KLHL1: variants seen among roughly 807,000 people sequenced by gnomAD.
KLHL1 encodes kelch like family member 1.
KLHL1 carries 47 observed loss-of-function variants against 77.7 expected under a neutral mutation model. That is an observed-to-expected ratio of 0.60 (90% CI 0.48 to 0.77). KLHL1 has a LOEUF of 0.77. Among genes scored for constraint, KLHL1 ranks in the 30% least tolerant of loss-of-function variants. KLHL1 has a pLI of 0.00. For synonymous variants in KLHL1, 360 were observed against 325.2 expected, an observed-to-expected ratio of 1.11 and a Z score of -1.15; for missense variants, 925 against 910.8, an observed-to-expected ratio of 1.02 and a Z score of -0.20.
intron 6 of KLHL1, among the ~76,000 whole-genome samples, chr13:69,837,614 CTA>C (rs1555272466): frequency 0.094 from 12,806 of 136,470 alleles, 983 homozygotes; most frequent in Non-Finnish European, 0.13. Context: ...ATCTCTCTCT[CTA>C]TATATATGTG....
intron 4 of KLHL1, among the ~76,000 whole-genome samples, chr13:69,932,318 TA>T (rs995368522): frequency 6.6e-5 from 10 of 151,640 alleles, no homozygotes; most frequent in South Asian, 4.2e-4. Context: ...TTTTTCTCAT[TA>T]AAAAAAGCAA....
intron 4 of KLHL1, among the ~76,000 whole-genome samples, chr13:69,897,147 C>T (rs1881675792): frequency 6.6e-6 from 1 of 152,048 alleles, no homozygotes; most frequent in African/African-American, 2.4e-5. Context: ...ATTTAAGAAA[C>T]ATTATTTACA....
intron 4 of KLHL1, among the ~76,000 whole-genome samples, chr13:69,902,518 G>A (rs1363618909): frequency 2.0e-5 from 3 of 152,126 alleles, no homozygotes; most frequent in Non-Finnish European, 4.4e-5. Context: ...AGTACTGAAA[G>A]AGAGAATTCT....
chr13:69,856,351 T>C (rs2138142686), intron 5 of KLHL1, among the ~76,000 whole-genome samples: 1 of 152,180 alleles, frequency 6.6e-6, no homozygotes, highest in South Asian at 2.1e-4. Context: ...TGTCACAATG[T>C]GGTAATTGGC....
intron 4 of KLHL1, among the ~76,000 whole-genome samples, chr13:69,900,326 A>C (rs941974177): frequency 6.6e-6 from 1 of 152,218 alleles, no homozygotes; most frequent in African/African-American, 2.4e-5. Context: ...TTCACGTTAA[A>C]CACCAGCTTT....
intron 8 of KLHL1, among the ~76,000 whole-genome samples, chr13:69,735,832 G>A (rs1219510692): frequency 6.6e-6 from 1 of 151,802 alleles, no homozygotes; most frequent in African/African-American, 2.4e-5. Flanking sequence ...TCTGAAAAAT[G>A]TATACCAAAG....
chr13:69,736,760 C>G (rs1043271864), intron 8 of KLHL1, among the ~76,000 whole-genome samples: 1 of 151,782 alleles, frequency 6.6e-6, no homozygotes, highest in Non-Finnish European at 1.5e-5. Context: ...GCATTTGCAG[C>G]AACCTGGTTG....
At chr13:69,800,984 A>G (rs1877351107) in intron 6 of KLHL1, among the ~76,000 whole-genome samples, 1 of 152,228 alleles carries the variant, frequency 6.6e-6, no homozygotes, top group South Asian at 2.1e-4. Context: ...TAATGAAGCC[A>G]TCACTGGTAT....
chr13:70,063,123 A>T (rs942978539), intron 1 of KLHL1, among the ~76,000 whole-genome samples: 1 of 152,130 alleles, frequency 6.6e-6, no homozygotes. Flanking sequence ...TTAATTCCAC[A>T]GTGGTTCCAA....
intron 5 of KLHL1, among the ~76,000 whole-genome samples, chr13:69,842,954 A>T (rs1228324682): frequency 6.6e-6 from 1 of 151,824 alleles, no homozygotes; most frequent in East Asian, 1.9e-4. Flanking sequence ...CAAATATCAC[A>T]TGTTCTCACT....
intron 4 of KLHL1, among the ~76,000 whole-genome samples, chr13:69,935,121 C>A (rs1168665796): frequency 6.6e-6 from 1 of 151,312 alleles, no homozygotes; most frequent in African/African-American, 2.4e-5. Context: ...AATATATTAA[C>A]CTTGACTCTA....
At chr13:69,812,353 C>T (rs1007353938) in intron 6 of KLHL1, among the ~76,000 whole-genome samples, 8 of 152,094 alleles carry the variant, frequency 5.3e-5, no homozygotes, top group African/African-American at 1.9e-4. Context: ...AAATGTTAGA[C>T]CTGAAACCAT....
intron 4 of KLHL1, chr13:69,895,133 A>G (rs1201413798): frequency 1.7e-5 from 8 of 465,208 alleles, no homozygotes; most frequent in Non-Finnish European, 2.5e-5. Context: ...TTCCTTATAT[A>G]TAATGAATTC....
At position 69,956,279 on chromosome 13, in the gene KLHL1, G is replaced by A. The variant is rs879650287; in HGVS notation, c.817+5029C>T. Among the ~76,000 whole-genome samples, 12 of 149,988 alleles carry A rather than the reference G, an allele frequency of 8.0e-5. No homozygotes were observed. The Admixed American group carries it at 8.1e-4, about 10-fold the overall frequency. On this transcript the variant is annotated intron_variant, in intron 3 of 10. Transcript: ENST00000377844. ...GAAGACCCTTAAAGGTAAGGAACAT[G>A]TATAATTCAGCATATTGTTTTTCAG...
At chr13:69,952,210 T>C (rs1883731775) in intron 3 of KLHL1, among the ~76,000 whole-genome samples, 1 of 151,474 alleles carries the variant, frequency 6.6e-6, no homozygotes, top group South Asian at 2.1e-4. Flanking sequence ...TAATCAAAAA[T>C]GCTCATTAAT....
chr13:69,811,452 C>G (rs1877876829), intron 6 of KLHL1, among the ~76,000 whole-genome samples: 1 of 150,640 alleles, frequency 6.6e-6, no homozygotes, highest in African/African-American at 2.4e-5. Context: ...CAATCCTAAA[C>G]AAACTACACA....
intron 4 of KLHL1, among the ~76,000 whole-genome samples, chr13:69,912,991 A>G (rs1377717916): frequency 6.6e-6 from 1 of 151,916 alleles, no homozygotes; most frequent in Non-Finnish European, 1.5e-5. Context: ...TTTGACCTCA[A>G]ATGATATTTT....
chr13:69,908,120 A>T (rs1184269952), intron 4 of KLHL1, among the ~76,000 whole-genome samples: 4 of 151,982 alleles, frequency 2.6e-5, no homozygotes, highest in Admixed American at 1.3e-4. Flanking sequence ...CTCAGGACTG[A>T]GATTGTAGCT....
At chr13:70,016,097 T>C (rs1286689187) in intron 1 of KLHL1, among the ~76,000 whole-genome samples, 1 of 152,256 alleles carries the variant, frequency 6.6e-6, no homozygotes, top group African/African-American at 2.4e-5. Context: ...TTCATCTCTA[T>C]ATGAGAAAGA....
Sources: gnomAD v4.1 joint callset for allele counts (sites outside exome capture counted in the v4.1 genomes callset) on GRCh38, gnomAD v4.1.1 for gene constraint, MANE v1.5 for transcripts, NCBI Gene and HGNC (gene_info 2026-07-23, HGNC 2026-07-21) for gene names.